SRPK1: variants seen among roughly 807,000 people sequenced by gnomAD.
SRPK1 encodes SRSF protein kinase 1, also known as SFRS protein kinase 1.
Under a neutral mutation model 89.5 loss-of-function variants are expected in SRPK1, and 52 were observed. The observed-to-expected ratio is 0.58, with a 90% CI of 0.46 to 0.73. SRPK1 has a LOEUF of 0.73. Ranked by LOEUF, SRPK1 falls within the 30% of genes least tolerant of loss-of-function variation. The pLI is 0.00. For missense variants in SRPK1, 603 were observed against 780.6 expected (o/e 0.77, Z 2.71); for synonymous variants, 255 against 270.2 (o/e 0.94, Z 0.55).
rs947837117 is a variant in SRPK1 at position 35,833,447 on chromosome 6, A to G, written c.*1857T>C. 2.6e-5 allele frequency: 4 copies of G among 152,440 alleles called. No individual in the cohort carries two copies. The South Asian group carries it at 8.3e-4, about 32-fold the overall frequency. The allele number at this position is 152,440 out of a possible 1,614,324, so 9.4% of individuals were successfully genotyped here. A position where few individuals can be genotyped will look rare whatever the true frequency, so the allele number is the denominator to read the frequency against. On this transcript the variant is annotated 3_prime_UTR_variant, in exon 16 of 16. Coordinates refer to ENST00000373825, the MANE Select transcript of SRPK1 (RefSeq NM_003137.5). ...TTCCACAATTGTGATTTTACTATGT[A>G]GAAGATAATTCAGTTCTAGTCTATT...
intron 2 of SRPK1, among the ~76,000 whole-genome samples, chr6:35,916,344 G>GA (rs1258490705): frequency 2.6e-5 from 4 of 152,004 alleles, no homozygotes; most frequent in African/African-American, 7.3e-5. Flanking sequence ...AAGACTCAGT[G>GA]AAAAAGGCAG....
chr6:35,854,194 G>A (rs1176350404), intron 13 of SRPK1, among the ~76,000 whole-genome samples: 1 of 151,982 alleles, frequency 6.6e-6, no homozygotes, highest in Non-Finnish European at 1.5e-5. Flanking sequence ...CAAGTAATCT[G>A]CCTGCCTCAG....
At chr6:35,886,650 A>C in intron 6 of SRPK1, 74 bp downstream of exon 6, 1 of 885,568 alleles carries the variant, frequency 1.1e-6, no homozygotes. Context: ...CACCAAGGCC[A>C]TCTACACAAC....
rs58763282 is a variant in SRPK1 at position 35,902,232 on chromosome 6, CAAA to C, written c.75-11222_75-11220del. Among the ~76,000 whole-genome samples the C allele has an allele frequency of 5.9e-4, 49 of 83,586 alleles. No homozygotes were observed. In the South Asian group the frequency reaches 1.0e-2, roughly 17 times the overall value. 54.8% of individuals were successfully genotyped at this position (83,586 alleles called of 152,430 possible). On this transcript the variant is annotated intron_variant, in intron 2 of 15. Coordinates refer to ENST00000373825, the MANE Select transcript of SRPK1 (RefSeq NM_003137.5). ...GCCAGATGGCGAGACTCCGTCTCTA[CAAA>C]AAAAAAAAAAAAAAAAAGAAAAAAA...
intron 6 of SRPK1, among the ~76,000 whole-genome samples, chr6:35,880,834 C>T (rs1770271295): frequency 7.3e-6 from 1 of 136,172 alleles, no homozygotes; most frequent in African/African-American, 2.7e-5. Flanking sequence ...AGATGAAAGA[C>T]ATGAATCCAA....
rs113954104 is a variant in SRPK1, at chr6:35,845,590, T to C, written c.1621-2986A>G. 2.1e-3 allele frequency among the ~76,000 whole-genome samples: 314 copies of C among 152,298 alleles called. 2 individuals carry two copies. Among genetic ancestry groups the C allele is most frequent in the African/African-American group, 7.0e-3 (290 of 41,556 alleles). On this transcript the variant is annotated intron_variant, in intron 13 of 15. Coordinates refer to ENST00000373825, the MANE Select transcript of SRPK1 (RefSeq NM_003137.5). ...AATTACATTCAGATCCAGAAGTAAA[T>C]TGCAAACTCCAGGTAGCAGAAAGGA...
Position 35,870,364 on chromosome 6 carries a change from G to A in SRPK1, c.908C>T (p.Pro303Leu). ...EKESGPGQKRPNKQEESESPV... is the reference protein window; with the variant it reads ...EKESGPGQKRLNKQEESESPV... ...ACTCTCTGATTCTTCTTGCTTGTTT[G>A]GTCTTTTTTGCCCAGGGCCCGACTC... is the stretch of plus-strand genomic sequence containing the variant. Residue 303 changes from proline (P) to leucine (L), a missense_variant, in exon 10 of 16, where the codon CCA becomes CTA. Physicochemically the swap from Pro to Leu is moderately conservative, Grantham distance 98. Transcript: ENST00000373825. 1 of 1,610,488 alleles carries A rather than the reference G, an allele frequency of 6.2e-7. No homozygotes were observed. The highest frequency in any genetic ancestry group is 1.1e-5 in the South Asian group (1 of 90,566).
intron 6 of SRPK1, among the ~76,000 whole-genome samples, chr6:35,880,735 G>GAAAAAAAAAAAAAAAAAAAAAAAAAA (rs1238876364): frequency 7.4e-5 from 2 of 26,964 alleles, no homozygotes; most frequent in Non-Finnish European, 1.1e-4. Flanking sequence ...AAAAAAAAAA[G>GAAAAAAAAAAAAAAAAAAAAAAAAAA]AAAAAAAAAA....
intron 2 of SRPK1, among the ~76,000 whole-genome samples, chr6:35,913,241 A>G (rs1298672276): frequency 2.0e-5 from 3 of 152,258 alleles, no homozygotes; most frequent in African/African-American, 7.2e-5. Context: ...CAATGAAACT[A>G]CAGAGGAAGA....
At chr6:35,914,009 CTT>C (rs1029044310) in intron 2 of SRPK1, among the ~76,000 whole-genome samples, 2 of 84,342 alleles carry the variant, frequency 2.4e-5, no homozygotes, top group Admixed American at 1.8e-4. Context: ...GAGTTTTGCT[CTT>C]GTCGCCCAGG....
chr6:35,909,493 T>C (rs1478872435), intron 2 of SRPK1, among the ~76,000 whole-genome samples: 1 of 152,194 alleles, frequency 6.6e-6, no homozygotes, highest in Non-Finnish European at 1.5e-5. Context: ...GACTTGGGAC[T>C]CTTGAGTTAA....
chr6:35,894,920 C>G (rs1291893858), intron 2 of SRPK1, among the ~76,000 whole-genome samples: 1 of 152,020 alleles, frequency 6.6e-6, no homozygotes, highest in Non-Finnish European at 1.5e-5. Context: ...TTCTGTTTTA[C>G]AGATCAAAAA....
intron 2 of SRPK1, among the ~76,000 whole-genome samples, chr6:35,902,225 G>A (rs192076065): frequency 1.7e-5 from 2 of 120,886 alleles, no homozygotes; most frequent in South Asian, 5.7e-4. Context: ...GCGAGACTCC[G>A]TCTCTACAAA....
chr6:35,833,369 T>C lies in SRPK1; in HGVS notation c.*1935A>G, dbSNP rs1418684765. 6 of 152,374 alleles carry C rather than the reference T, an allele frequency of 3.9e-5. No individual in the cohort carries two copies. Among genetic ancestry groups the C allele is most frequent in the Admixed American group, 3.9e-4 (6 of 15,278 alleles). The allele number at this position is 152,374 out of a possible 1,614,324, so 9.4% of individuals were successfully genotyped here. The stretch of plus-strand genomic sequence containing the variant: ...CTTACTGTCACATCAACTGTTAAAA[T>C]AGGGCCTTTTGTGTTTTGTTATTTC... On this transcript the variant is annotated 3_prime_UTR_variant, in exon 16 of 16. Coordinates refer to ENST00000373825, the MANE Select transcript of SRPK1 (RefSeq NM_003137.5).
intron 1 of SRPK1, chr6:35,920,731 T>G: frequency 7.3e-6 from 1 of 137,258 alleles, no homozygotes; most frequent in Non-Finnish European, 1.2e-5. Flanking sequence ...CGGAGGGGTC[T>G]CAGGCCGGGT....
At chr6:35,917,565 G>A (rs930224012) in intron 2 of SRPK1, among the ~76,000 whole-genome samples, 1 of 152,168 alleles carries the variant, frequency 6.6e-6, no homozygotes, top group Non-Finnish European at 1.5e-5. Context: ...AAATACTCCA[G>A]CACAGTGAAA....
Position 35,885,298 on chromosome 6 carries a change from C to CACACACACAG in SRPK1, c.478+1425_478+1426insCTGTGTGTGT, listed in dbSNP as rs1276672274. 6.8e-4 allele frequency among the ~76,000 whole-genome samples: 77 copies of CACACACACAG among 113,182 alleles called. 1 individual carries two copies. Among genetic ancestry groups the CACACACACAG allele is most frequent in the African/African-American group, 1.6e-3 (43 of 27,558 alleles). 74.3% of individuals were successfully genotyped at this position (113,182 alleles called of 152,430 possible). The stretch of plus-strand genomic sequence containing the variant: ...ACACACACACACACACACACACACA[C>CACACACACAG]AGAGAGAGAGAGAGAGAGAGAGAGA... On this transcript the variant is annotated intron_variant, in intron 6 of 15. Coordinates refer to ENST00000373825, the MANE Select transcript of SRPK1 (RefSeq NM_003137.5).
chr6:35,885,182 G>GA (rs1429971328), intron 6 of SRPK1, among the ~76,000 whole-genome samples: 2 of 150,068 alleles, frequency 1.3e-5, no homozygotes, highest in African/African-American at 4.9e-5. Context: ...TTAAATAATA[G>GA]AAAAAACAGA....
intron 5 of SRPK1, among the ~76,000 whole-genome samples, chr6:35,887,355 T>C (rs1430706352): frequency 1.3e-5 from 2 of 151,638 alleles, no homozygotes; most frequent in Non-Finnish European, 2.9e-5. Context: ...AGGCCAGGAG[T>C]TGAAAATAAA....
Sources: gnomAD v4.1 joint callset for allele counts (sites outside exome capture counted in the v4.1 genomes callset) on GRCh38, gnomAD v4.1.1 for gene constraint, MANE v1.5 for transcripts, NCBI Gene and HGNC (gene_info 2026-07-23, HGNC 2026-07-21) for gene names.